The following PKNOX2 variants were observed in gnomAD, a reference collection of about 807,000 sequenced individuals.
PKNOX2 encodes homeobox protein PKNOX2.
PKNOX2 carries 14 observed loss-of-function variants against 53.1 expected under a neutral mutation model. That is an observed-to-expected ratio of 0.26 (90% CI 0.17 to 0.41). The LOEUF is 0.41. Among genes scored for constraint, PKNOX2 ranks in the 10% least tolerant of loss-of-function variants. The pLI is 1.00. For synonymous variants in PKNOX2, 257 were observed against 242.8 expected, an observed-to-expected ratio of 1.06 and a Z score of -0.54; for missense variants, 496 against 602.8, an observed-to-expected ratio of 0.82 and a Z score of 1.85.
At chr11:125,178,573 G>GGAAGGAAGGAAAGAAA (rs1955871350) in intron 1 of PKNOX2, among the ~76,000 whole-genome samples, 1 of 34,180 alleles carries the variant, frequency 2.9e-5, no homozygotes, top group African/African-American at 1.8e-4. Context: ...AACGAAGGAA[G>GGAAGGAAGGAAAGAAA]GAAGGAAGGA....
chr11:125,383,274 C>CACG (rs1323812908), intron 5 of PKNOX2, among the ~76,000 whole-genome samples: 1 of 152,032 alleles, frequency 6.6e-6, no homozygotes, highest in African/African-American at 2.4e-5. Context: ...TGTGCTCCGT[C>CACG]ACGGTGTGCT....
At chr11:125,410,082 C>G in intron 7 of PKNOX2, 114 bp from the exon 8 acceptor site, 3 of 1,420,794 alleles carry the variant, frequency 2.1e-6, no homozygotes, top group Non-Finnish European at 2.8e-6. Flanking sequence ...TGGGGAGGAG[C>G]TAGAAGGAGG....
chr11:125,245,797 T>C (rs1943516216), intron 2 of PKNOX2, among the ~76,000 whole-genome samples: 1 of 152,086 alleles, frequency 6.6e-6, no homozygotes, highest in African/African-American at 2.4e-5. Flanking sequence ...GGTTACTGAG[T>C]TTCTCAGTAC....
intron 2 of PKNOX2, among the ~76,000 whole-genome samples, chr11:125,280,793 C>A (rs1946506273): frequency 1.3e-5 from 2 of 152,152 alleles, no homozygotes; most frequent in Non-Finnish European, 2.9e-5. Flanking sequence ...GCTTACCCAG[C>A]AATGGCACAG....
At chr11:125,385,465 G>A (rs1953559649) in intron 5 of PKNOX2, 86 bp from the exon 6 acceptor site, 10 of 1,434,418 alleles carry the variant, frequency 7.0e-6, no homozygotes, top group Non-Finnish European at 9.3e-6. Context: ...AGGGGAACGT[G>A]GGCAGGGGAG....
At chr11:125,291,040 C>T (rs1303664552) in intron 2 of PKNOX2, among the ~76,000 whole-genome samples, 2 of 152,190 alleles carry the variant, frequency 1.3e-5, no homozygotes, top group Non-Finnish European at 2.9e-5. Context: ...ATGGCAGAGG[C>T]AGAGCACAAA....
chr11:125,411,462 TTCTCTCTCTCTCTCTC>T (rs3028442), intron 9 of PKNOX2: 153 of 252,762 alleles, frequency 6.1e-4, no homozygotes, highest in African/African-American at 1.1e-3. Flanking sequence ...TCCTCTGTCT[TTCTCTCTCTCTCTCTC>T]TCTCTCTCTC....
intron 4 of PKNOX2, among the ~76,000 whole-genome samples, chr11:125,359,523 G>A (rs1951808680): frequency 6.6e-6 from 1 of 152,232 alleles, no homozygotes; most frequent in African/African-American, 2.4e-5. Flanking sequence ...CAGGTCTGGA[G>A]CGCCCTGGAC....
At position 125,189,425 on chromosome 11, in the gene PKNOX2, G is replaced by GTATATATA. The variant is rs1279938561; in HGVS notation, c.-201+24650_-201+24651insATATATAT. On this transcript the variant is annotated intron_variant, in intron 1 of 12. Coordinates refer to ENST00000298282, the MANE Select transcript of PKNOX2 (RefSeq NM_001382323.2). Reference sequence around the variant, plus strand: ...TGTGTATATATATATGTGTGTGTGTGTGTGTGTGTGTGTGTGTGTGTGTAT... The same window carrying GTATATATA: ...TGTGTATATATATATGTGTGTGTGTGTATATATATGTGTGTGTGTGTGTGTGTGTGTAT... Among the ~76,000 whole-genome samples the GTATATATA allele has an allele frequency of 4.6e-3, 201 of 43,652 alleles. 2 individuals carry two copies. The highest frequency in any genetic ancestry group is 0.015 in the African/African-American group (179 of 12,060). The allele number at this position is 43,652 out of a possible 152,430, so 28.6% of individuals were successfully genotyped here.
intron 2 of PKNOX2, among the ~76,000 whole-genome samples, chr11:125,278,953 G>T (rs559705300): frequency 3.3e-5 from 5 of 152,224 alleles, no homozygotes; most frequent in African/African-American, 1.2e-4. Flanking sequence ...CAGGAGGCTG[G>T]CGGATGTCCG....
In PKNOX2 at chr11:125,246,485, G is replaced by A. The variant is rs920580480; in HGVS notation, c.-130+11370G>A. Among the ~76,000 whole-genome samples the A allele has an allele frequency of 2.6e-5, 4 of 152,302 alleles. No individual in the cohort carries two copies. The South Asian group carries it at 6.2e-4, about 24-fold the overall frequency. Reference sequence around the variant, plus strand: ...CATAGCAGGAATATTCCTGGGACACGCTACTGGTGCTCATCTCTGCCTTCC... The same window carrying A: ...CATAGCAGGAATATTCCTGGGACACACTACTGGTGCTCATCTCTGCCTTCC... On this transcript the variant is annotated intron_variant, in intron 2 of 12. Coordinates refer to ENST00000298282, the MANE Select transcript of PKNOX2 (RefSeq NM_001382323.2).
intron 2 of PKNOX2, among the ~76,000 whole-genome samples, chr11:125,280,425 G>A (rs1046524108): frequency 5.3e-5 from 8 of 152,106 alleles, no homozygotes; most frequent in African/African-American, 1.9e-4. Context: ...ATCTGCCCAG[G>A]GGCAAGGAGA....
At chr11:125,309,125 C>T (rs1161103513) in intron 2 of PKNOX2, among the ~76,000 whole-genome samples, 2 of 140,298 alleles carry the variant, frequency 1.4e-5, no homozygotes, top group East Asian at 2.0e-4. Context: ...TCACAATTAC[C>T]TCTTCCTTTC....
chr11:125,229,903 A>G (rs2135544221), intron 1 of PKNOX2, among the ~76,000 whole-genome samples: 1 of 152,266 alleles, frequency 6.6e-6, no homozygotes, highest in East Asian at 1.9e-4. Flanking sequence ...TTGGAGGGTA[A>G]ATTGCTTGCT....
chr11:125,270,227 C>T lies in PKNOX2; in HGVS notation c.-130+35112C>T, dbSNP rs76203788. 8.4e-3 allele frequency among the ~76,000 whole-genome samples: 1,278 copies of T among 152,332 alleles called. 19 individuals carry two copies. The highest frequency in any genetic ancestry group is 0.029 in the African/African-American group (1,208 of 41,564). On this transcript the variant is annotated intron_variant, in intron 2 of 12. Transcript: ENST00000298282. ...CAGATAAGATTGCAACTACCAGCAG[C>T]CCTCTCTCCCCTGGGAGGAATCCTA...
intron 1 of PKNOX2, among the ~76,000 whole-genome samples, chr11:125,181,956 C>T (rs1956177949): frequency 6.6e-6 from 1 of 152,200 alleles, no homozygotes; most frequent in African/African-American, 2.4e-5. Context: ...TGGCTACCCT[C>T]AGTCTTAGCT....
At chr11:125,428,601 T>C (rs1956545341) in intron 10 of PKNOX2, among the ~76,000 whole-genome samples, 1 of 152,134 alleles carries the variant, frequency 6.6e-6, no homozygotes, top group African/African-American at 2.4e-5. Flanking sequence ...AATTGATCCA[T>C]TCACCCCGCC....
At chr11:125,176,502 GC>G (rs1207159465) in intron 1 of PKNOX2, among the ~76,000 whole-genome samples, 22 of 152,200 alleles carry the variant, frequency 1.4e-4, no homozygotes, top group Admixed American at 2.0e-4. Flanking sequence ...AGCCGTGAGG[GC>G]CTCAACAGGG....
chr11:125,193,812 G>A (rs1957015212), intron 1 of PKNOX2, among the ~76,000 whole-genome samples: 1 of 152,134 alleles, frequency 6.6e-6, no homozygotes, highest in Admixed American at 6.5e-5. Context: ...TCAGAGCAGG[G>A]GACAAGGATT....
Sources: gnomAD v4.1 joint callset for allele counts (sites outside exome capture counted in the v4.1 genomes callset) on GRCh38, gnomAD v4.1.1 for gene constraint, MANE v1.5 for transcripts, NCBI Gene and HGNC (gene_info 2026-07-23, HGNC 2026-07-21) for gene names.